STAG1: variants seen among roughly 807,000 people sequenced by gnomAD.
The protein encoded by STAG1 is cohesin subunit SA-1.
A neutral mutation model predicts 170.9 loss-of-function variants in STAG1; 26 were observed. The observed-to-expected ratio is 0.15, with a 90% confidence interval of 0.11 to 0.21. The LOEUF is 0.21. Ranked by LOEUF, STAG1 falls within the 10% of genes least tolerant of loss-of-function variation. The pLI, the probability that STAG1 is intolerant of heterozygous loss-of-function variation, is 1.00. For missense variants in STAG1, 964 were observed against 1,509.5 expected (o/e 0.64, Z 5.99); for synonymous variants, 514 against 497.7 (o/e 1.03, Z -0.44).
chr3:136,642,080 C>A (rs928334643), intron 1 of STAG1, among the ~76,000 whole-genome samples: 1 of 152,070 alleles, frequency 6.6e-6, no homozygotes, highest in African/African-American at 2.4e-5. Context: ...AATACACTTA[C>A]AAAAGCTTGG....
chr3:136,593,138 T>C (rs1168224358), intron 4 of STAG1, among the ~76,000 whole-genome samples: 1 of 152,160 alleles, frequency 6.6e-6, no homozygotes, highest in Non-Finnish European at 1.5e-5. Context: ...CAAAAAGGTA[T>C]GCTCACTAAA....
intron 1 of STAG1, among the ~76,000 whole-genome samples, chr3:136,631,563 A>G (rs1940329280): frequency 6.6e-6 from 1 of 152,236 alleles, no homozygotes; most frequent in Admixed American, 6.5e-5. Context: ...ACTTGGGGTG[A>G]TAGTGACTTG....
chr3:136,589,872 A>G (rs1267492777), intron 4 of STAG1, among the ~76,000 whole-genome samples: 1 of 152,136 alleles, frequency 6.6e-6, no homozygotes, highest in Non-Finnish European at 1.5e-5. Flanking sequence ...CGGAAGTTGC[A>G]GTGAACCGAG....
chr3:136,585,480 A>G (rs1937770507), intron 4 of STAG1, among the ~76,000 whole-genome samples: 2 of 151,966 alleles, frequency 1.3e-5, no homozygotes, highest in Admixed American at 1.3e-4. Context: ...TTATCTGGGC[A>G]TGGTGGCCTG....
chr3:136,580,601 T>G (rs558167105), intron 4 of STAG1, among the ~76,000 whole-genome samples: 4 of 142,760 alleles, frequency 2.8e-5, no homozygotes, highest in Non-Finnish European at 4.5e-5. Flanking sequence ...TGGCGCAATC[T>G]CGGCTCACTG....
intron 14 of STAG1, among the ~76,000 whole-genome samples, chr3:136,446,204 A>G (rs1472096649): frequency 1.3e-5 from 2 of 152,084 alleles, no homozygotes; most frequent in African/African-American, 4.8e-5. Flanking sequence ...TGCCTTAAAC[A>G]TCAATGTCAT....
intron 7 of STAG1, among the ~76,000 whole-genome samples, 173 bp from the exon 8 acceptor site, chr3:136,502,952 T>C (rs1182786697): frequency 2.6e-5 from 4 of 152,216 alleles, no homozygotes; most frequent in African/African-American, 9.6e-5. Context: ...TAAACTCATC[T>C]GCAACATAAT....
chr3:136,437,199 C>G (rs1273252052), intron 15 of STAG1, among the ~76,000 whole-genome samples: 1 of 152,184 alleles, frequency 6.6e-6, no homozygotes, highest in Non-Finnish European at 1.5e-5. Flanking sequence ...GAGTAAAATT[C>G]ACAGTAGTGT....
At position 136,338,094 on chromosome 3, in the gene STAG1, G is replaced by GCTC; in HGVS notation, c.*157_*159dup. The GCTC allele has an allele frequency of 1.7e-6, 1 of 586,030 alleles. No homozygotes were observed. Among genetic ancestry groups the GCTC allele is most frequent in the Non-Finnish European group, 3.1e-6 (1 of 326,788 alleles). 36.3% of individuals were successfully genotyped at this position (586,030 alleles called of 1,614,324 possible). On this transcript the variant is annotated 3_prime_UTR_variant, in exon 34 of 34. Coordinates refer to ENST00000383202, the MANE Select transcript of STAG1 (RefSeq NM_005862.3). ...CAACATTCCCTTGGGTAATTTACAT[G>GCTC]CTCCTCTTCTGTCACTGCAAAAAGG...
intron 22 of STAG1, among the ~76,000 whole-genome samples, chr3:136,383,066 AT>A (rs1461996543): frequency 2.0e-5 from 3 of 152,188 alleles, no homozygotes; most frequent in African/African-American, 7.2e-5. Context: ...GGGAATTATG[AT>A]TCCCAAGACT....
At chr3:136,640,895 C>T (rs557858246) in intron 1 of STAG1, among the ~76,000 whole-genome samples, 1 of 152,136 alleles carries the variant, frequency 6.6e-6, no homozygotes, top group Admixed American at 6.6e-5. Context: ...GGCTGGTCTC[C>T]AACTCCTCAC....
intron 5 of STAG1, among the ~76,000 whole-genome samples, chr3:136,547,361 C>T (rs189320340): frequency 2.0e-5 from 3 of 152,254 alleles, no homozygotes; most frequent in Non-Finnish European, 4.4e-5. Flanking sequence ...CAGAATACCA[C>T]CAAAGGTGGT....
At chr3:136,741,473 A>AT (rs577077816) in intron 1 of STAG1, among the ~76,000 whole-genome samples, 62 of 148,816 alleles carry the variant, frequency 4.2e-4, no homozygotes, top group South Asian at 2.5e-3. Context: ...GTTGGAAGGA[A>AT]TTTTTTTTTT....
chr3:136,452,295 A>G, intron 13 of STAG1, 148 bp from the exon 14 acceptor site: 1 of 589,302 alleles, frequency 1.7e-6, no homozygotes, highest in Non-Finnish European at 3.0e-6. Context: ...CCAGGTGCAG[A>G]GGCTCATGCC....
chr3:136,463,733 A>ATATGTG (rs1553725765), intron 13 of STAG1, among the ~76,000 whole-genome samples: 1 of 42,394 alleles, frequency 2.4e-5, no homozygotes, highest in African/African-American at 9.3e-5. Flanking sequence ...AAAAATGTGT[A>ATATGTG]TATGTGTGTG....
chr3:136,417,586 C>T (rs575876444), intron 21 of STAG1: 94 of 252,618 alleles, frequency 3.7e-4, no homozygotes, highest in African/African-American at 2.1e-3. Context: ...TTTTCATTAT[C>T]CAAAGTTTTA....
chr3:136,573,631 T>TAA (rs902268421), intron 4 of STAG1, among the ~76,000 whole-genome samples: 2 of 145,522 alleles, frequency 1.4e-5, no homozygotes, highest in Admixed American at 1.4e-4. Context: ...AAACAAAAAA[T>TAA]AAAAAAAAAA....
intron 9 of STAG1, among the ~76,000 whole-genome samples, chr3:136,478,194 G>C (rs867670974): frequency 6.6e-6 from 1 of 152,100 alleles, no homozygotes; most frequent in Non-Finnish European, 1.5e-5. Flanking sequence ...TATTTTTTAG[G>C]CTGAGACGGA....
At chr3:136,576,089 G>A (rs186989811) in intron 4 of STAG1, among the ~76,000 whole-genome samples, 27 of 152,104 alleles carry the variant, frequency 1.8e-4, no homozygotes, top group South Asian at 6.2e-4. Flanking sequence ...AAAACCCCAC[G>A]AAACAATTTT....
Sources: gnomAD v4.1 joint callset for allele counts (sites outside exome capture counted in the v4.1 genomes callset) on GRCh38, gnomAD v4.1.1 for gene constraint, MANE v1.5 for transcripts, NCBI Gene and HGNC (gene_info 2026-07-23, HGNC 2026-07-21) for gene names.